TEX11: variants seen among roughly 807,000 people sequenced by gnomAD.
TEX11 encodes the protein testis-expressed protein 11.
TEX11 carries 7 observed loss-of-function variants against 84.4 expected under a neutral mutation model. The observed-to-expected ratio is 0.08, with a 90% CI of 0.05 to 0.16. The LOEUF (loss-of-function observed/expected upper bound fraction) is 0.16. Among genes scored for constraint, TEX11 ranks in the 10% least tolerant of loss-of-function variants. The probability of loss-of-function intolerance (pLI) is 1.00; values close to 1 mark genes in which losing one functional copy is unlikely to be tolerated. For missense variants in TEX11, 551 were observed against 660.5 expected (o/e 0.83, Z 1.82); for synonymous variants, 264 against 222.8 (o/e 1.18, Z -1.64).
At chrX:70,585,868 C>T (rs1186191349) in intron 25 of TEX11, among the ~76,000 whole-genome samples, 4 of 111,998 alleles carry the variant, frequency 3.6e-5, no homozygotes, top group Non-Finnish European at 7.5e-5. Context: ...GCCTGACCAA[C>T]ATGGTGAAAC....
At chrX:70,659,276 A>G (rs749286163) in intron 16 of TEX11, among the ~76,000 whole-genome samples, 1 of 112,284 alleles carries the variant, frequency 8.9e-6, no homozygotes, top group African/African-American at 3.2e-5. Flanking sequence ...CAACCCACAG[A>G]ATGGGAAAAC....
At chrX:70,862,289 T>C (rs2091574528) in intron 4 of TEX11, among the ~76,000 whole-genome samples, 1 of 112,452 alleles carries the variant, frequency 8.9e-6, no homozygotes, top group African/African-American at 3.2e-5. Flanking sequence ...TTTATTTCTC[T>C]AGTTTATTTC....
intron 9 of TEX11, among the ~76,000 whole-genome samples, chrX:70,773,601 AACTC>A: frequency 8.9e-6 from 1 of 111,835 alleles, no homozygotes; most frequent in East Asian, 2.8e-4. Context: ...AAATGTATAA[AACTC>A]ACCATAAAGG....
At chrX:70,677,810 C>CTTTTT (rs35653618) in intron 15 of TEX11, among the ~76,000 whole-genome samples, 26 of 63,581 alleles carry the variant, frequency 4.1e-4, no homozygotes, top group Non-Finnish European at 5.7e-4. Flanking sequence ...CTTTTCTTTC[C>CTTTTT]TTTTTTTTTT....
intron 17 of TEX11, among the ~76,000 whole-genome samples, chrX:70,648,777 C>T (rs189012265): frequency 9.9e-5 from 11 of 111,141 alleles, no homozygotes; most frequent in Admixed American, 2.9e-4. Flanking sequence ...CGTAGGCATA[C>T]GTGTGTCATG....
At chrX:70,770,900 GA>G (rs201338529) in intron 9 of TEX11, among the ~76,000 whole-genome samples, 2 of 109,954 alleles carry the variant, frequency 1.8e-5, no homozygotes, top group Admixed American at 9.8e-5. Flanking sequence ...ATTCCGTCAA[GA>G]AAAAAAACTA....
At chrX:70,573,347 A>C (rs2088631140) in intron 25 of TEX11, among the ~76,000 whole-genome samples, 1 of 111,747 alleles carries the variant, frequency 8.9e-6, no homozygotes, top group South Asian at 3.8e-4. Context: ...TTTAGGATCC[A>C]TTTTTATCAG....
chrX:70,565,474 TG>T (rs1315140063), intron 25 of TEX11, among the ~76,000 whole-genome samples: 4 of 110,291 alleles, frequency 3.6e-5, no homozygotes, highest in African/African-American at 9.9e-5. Flanking sequence ...ATGAAGTCCT[TG>T]CCCATGCCTA....
intron 3 of TEX11, among the ~76,000 whole-genome samples, chrX:70,876,847 G>A (rs766788815): frequency 3.6e-5 from 4 of 111,224 alleles, no homozygotes; most frequent in Admixed American, 2.9e-4. Context: ...GAGCCTAGGA[G>A]GTCGAGGATG....
intron 14 of TEX11, among the ~76,000 whole-genome samples, chrX:70,680,011 C>A (rs1179577461): frequency 3.9e-5 from 3 of 77,537 alleles, no homozygotes; most frequent in Non-Finnish European, 5.4e-5. Context: ...GTGAGGGGCG[C>A]CTCTGCCCGG....
intron 28 of TEX11, among the ~76,000 whole-genome samples, chrX:70,548,180 A>T (rs1162574970): frequency 2.8e-5 from 3 of 108,374 alleles, no homozygotes; most frequent in African/African-American, 1.0e-4. Flanking sequence ...AAAAAACCAA[A>T]CACCACATGT....
intron 13 of TEX11, among the ~76,000 whole-genome samples, chrX:70,714,004 T>C (rs2090469098): frequency 8.9e-6 from 1 of 111,963 alleles, no homozygotes; most frequent in African/African-American, 3.2e-5. Context: ...TTTGTTCTCA[T>C]TGGTTTCAAA....
At chrX:70,584,259 T>C (rs1238863789) in intron 25 of TEX11, among the ~76,000 whole-genome samples, 32 of 100,961 alleles carry the variant, frequency 3.2e-4, no homozygotes, top group Non-Finnish European at 5.2e-4. Flanking sequence ...GTCCGCAGTC[T>C]GGCCTGGGCG....
At chrX:70,705,359 G>T (rs1485094127) in intron 13 of TEX11, among the ~76,000 whole-genome samples, 1 of 111,386 alleles carries the variant, frequency 9.0e-6, no homozygotes, top group East Asian at 2.8e-4. Context: ...TGATGGGGAT[G>T]GCATTGAATC....
intron 13 of TEX11, among the ~76,000 whole-genome samples, chrX:70,696,120 T>C (rs1438443138): frequency 1.8e-5 from 2 of 111,711 alleles, no homozygotes; most frequent in Admixed American, 9.5e-5. Context: ...GTTGCAACCA[T>C]TTGCTTTGCA....
intron 13 of TEX11, among the ~76,000 whole-genome samples, chrX:70,700,857 C>T (rs2090320160): frequency 8.9e-6 from 1 of 111,942 alleles, no homozygotes; most frequent in Non-Finnish European, 1.9e-5. Flanking sequence ...AGCCTTATTG[C>T]TAATATGGAC....
At chrX:70,620,109 C>T (rs1159344611) in intron 20 of TEX11, among the ~76,000 whole-genome samples, 1 of 111,242 alleles carries the variant, frequency 9.0e-6, no homozygotes, top group Non-Finnish European at 1.9e-5. Context: ...CAGTTGTGAG[C>T]CACAATGCCC....
intron 17 of TEX11, among the ~76,000 whole-genome samples, chrX:70,640,628 G>T (rs2089642830): frequency 9.2e-6 from 1 of 109,045 alleles, no homozygotes; most frequent in Non-Finnish European, 1.9e-5. Context: ...CATTCTTAAA[G>T]AAAAGAATTT....
chrX:70,896,623 C>T (rs1008666176), intron 2 of TEX11, among the ~76,000 whole-genome samples: 10 of 111,298 alleles, frequency 9.0e-5, no homozygotes, highest in Admixed American at 8.7e-4. Flanking sequence ...CCAACCCAAA[C>T]GCCCATCAAT....
Sources: allele counts gnomAD v4.1 joint callset (sites outside exome capture counted in the v4.1 genomes callset), GRCh38; gene constraint gnomAD v4.1.1; transcripts MANE v1.5; gene names NCBI Gene and HGNC (gene_info 2026-07-23, HGNC 2026-07-21).